CLCN1: variants seen among roughly 807,000 people sequenced by gnomAD.
The protein encoded by CLCN1 is chloride voltage-gated channel 1, also known as chloride channel protein 1.
Under a neutral mutation model 114.5 loss-of-function variants are expected in CLCN1, and 100 were observed. The ratio of observed to expected loss-of-function variants is 0.87; its 90% CI spans 0.74 to 1.03. CLCN1 has a LOEUF of 1.03. Ranked by LOEUF, CLCN1 falls within the 50% of genes least tolerant of loss-of-function variation. The probability of loss-of-function intolerance (pLI) is 0.00; values close to 1 mark genes in which losing one functional copy is unlikely to be tolerated. For missense variants in CLCN1, 1,188 were observed against 1,250.0 expected, an observed-to-expected ratio of 0.95 and a Z score of 0.75; for synonymous variants, 485 against 487.1, an observed-to-expected ratio of 1.00 and a Z score of 0.06.
rs1802536900 is a variant in CLCN1, at chr7:143,324,824, T to A, written c.853+332T>A. 6.6e-6 allele frequency among the ~76,000 whole-genome samples: 1 copy of A among 152,192 alleles called. No individual in the cohort carries two copies. The highest frequency in any genetic ancestry group is 2.1e-4 in the South Asian group (1 of 4,830). On this transcript the variant is annotated intron_variant, in intron 7 of 22. Transcript: ENST00000343257. This position sits in a 1 kb window ranked among gnomAD's most constrained non-coding sequence, Gnocchi z 4.6. Reference sequence around the variant, plus strand: ...TGGCTCCCCTACTTATTTTCAAACCTGTTTGTATTGTTGGATGTTTTTGCC... The same window carrying A: ...TGGCTCCCCTACTTATTTTCAAACCAGTTTGTATTGTTGGATGTTTTTGCC...
intron 1 of CLCN1, among the ~76,000 whole-genome samples, chr7:143,317,571 T>C (rs1438211347): frequency 3.3e-5 from 5 of 151,668 alleles, no homozygotes; most frequent in South Asian, 2.1e-4. Context: ...AAAGGCTTTT[T>C]TTTCTTTCTT....
intron 17 of CLCN1, 41 bp from the exon 18 acceptor site, chr7:143,346,099 G>C (rs776463888): frequency 6.0e-6 from 8 of 1,322,754 alleles, no homozygotes; most frequent in Non-Finnish European, 3.3e-6. Context: ...GGCCCAGGCA[G>C]TCTCTGCTCC....
At chr7:143,345,840 T>C in intron 17 of CLCN1, 78 bp downstream of exon 17, 2 of 1,294,310 alleles carry the variant, frequency 1.5e-6, no homozygotes, top group African/African-American at 1.5e-5. Flanking sequence ...TGGGCTGGGC[T>C]GGGCTGGGAC....
chr7:143,344,446 G>A (rs577491165), intron 16 of CLCN1, among the ~76,000 whole-genome samples: 3 of 152,210 alleles, frequency 2.0e-5, no homozygotes, highest in African/African-American at 7.2e-5. Context: ...TGTTAGTTCT[G>A]ATTTCCAATA....
At chr7:143,317,197 A>C (rs1802309764) in intron 1 of CLCN1, among the ~76,000 whole-genome samples, 1 of 151,856 alleles carries the variant, frequency 6.6e-6, no homozygotes, top group African/African-American at 2.4e-5. Flanking sequence ...CAAAGAATGC[A>C]GAGAATAACA....
intron 3 of CLCN1, 122 bp downstream of exon 3, chr7:143,320,917 A>G: frequency 1.6e-6 from 2 of 1,215,462 alleles, no homozygotes; most frequent in South Asian, 2.4e-5. Context: ...TATTGCGCAG[A>G]GAGGGATCAG....
In CLCN1 at chr7:143,339,969, C is replaced by T. The variant is rs1470264258; in HGVS notation, c.1582+348C>T. 6.6e-6 allele frequency among the ~76,000 whole-genome samples: 1 copy of T among 152,172 alleles called. No homozygotes were observed. Among genetic ancestry groups the T allele is most frequent in the African/African-American group, 2.4e-5 (1 of 41,448 alleles). On this transcript the variant is annotated intron_variant, in intron 14 of 22. Transcript: ENST00000343257. The surrounding 1 kb of genome is among the most constrained non-coding windows in gnomAD (Gnocchi z 4.1). ...TGGCTCAGGTTGCAGGTGATTGACT[C>T]AACCTGAGACGTGTTGATATTGATG... is the stretch of plus-strand genomic sequence containing the variant.
chr7:143,345,524 C>T lies in CLCN1; in HGVS notation c.1934C>T (p.Ser645Leu). 2 of 1,534,380 alleles carry T rather than the reference C, an allele frequency of 1.3e-6. No homozygotes were observed. Among genetic ancestry groups the T allele is most frequent in the Middle Eastern group, 2.1e-4 (1 of 4,786 alleles). ...GCAGGGCGTGGGTTTCCCTCAGATTCAATGATCCTGCTGGGCTCGGTGGAG... is the reference window on the plus strand; with the variant it reads ...GCAGGGCGTGGGTTTCCCTCAGATTTAATGATCCTGCTGGGCTCGGTGGAG... ...KTLPLVDSKDSMILLGSVERS... is the reference protein window; with the variant it reads ...KTLPLVDSKDLMILLGSVERS... Residue 645 changes from serine (S) to leucine (L), a missense_variant, in exon 17 of 23, where the codon TCA (serine) becomes TTA (leucine). Ser to Leu is a moderately radical substitution (Grantham distance 145). Transcript: ENST00000343257.
At position 143,330,890 on chromosome 7, in the gene CLCN1, G is replaced by T; in HGVS notation, c.972G>T (p.Lys324Asn). The T allele has an allele frequency of 6.2e-7, 1 of 1,614,210 alleles. No individual in the cohort carries two copies. The highest frequency in any genetic ancestry group is 1.3e-5 in the African/African-American group (1 of 75,046). ...FVFRVLAVWNKDAVTITALFR... is the reference protein window; with the variant it reads ...FVFRVLAVWNNDAVTITALFR... ...TTCGAGTGCTGGCAGTGTGGAACAA[G>T]GATGCTGGTAACCAAGGAGGCCTTG... Residue 324 changes from lysine to asparagine, a missense_variant, in exon 8 of 23, where the codon AAG becomes AAT. Physicochemically the swap from Lys to Asn is moderately conservative, Grantham distance 94. Coordinates refer to ENST00000343257, the MANE Select transcript of CLCN1 (RefSeq NM_000083.3).
At chr7:143,328,932 T>C (rs550574549) in intron 7 of CLCN1, among the ~76,000 whole-genome samples, 3 of 152,020 alleles carry the variant, frequency 2.0e-5, no homozygotes, top group East Asian at 3.9e-4. Flanking sequence ...CACCAGGCAC[T>C]GTACTAGGTG....
chr7:143,344,542 C>G (rs1481425764), intron 16 of CLCN1, among the ~76,000 whole-genome samples: 1 of 152,114 alleles, frequency 6.6e-6, no homozygotes, highest in Non-Finnish European at 1.5e-5. Context: ...AGCAGAGGCT[C>G]TTTATTAGAG....
chr7:143,342,246 T>C, intron 15 of CLCN1, 104 bp downstream of exon 15: 1 of 1,479,502 alleles, frequency 6.8e-7, no homozygotes, highest in South Asian at 1.2e-5. Context: ...CTGTTTTAAA[T>C]TATTATTATA....
At chr7:143,320,056 A>C (rs191355218) in intron 2 of CLCN1, among the ~76,000 whole-genome samples, 181 bp downstream of exon 2, 3 of 152,206 alleles carry the variant, frequency 2.0e-5, no homozygotes, top group Non-Finnish European at 2.9e-5. Flanking sequence ...TGGAGTGATC[A>C]TAGCTCACTG....
intron 1 of CLCN1, among the ~76,000 whole-genome samples, chr7:143,317,890 C>T (rs920467726): frequency 2.0e-4 from 31 of 152,062 alleles, no homozygotes; most frequent in Non-Finnish European, 3.5e-4. Context: ...TGTTCTCACT[C>T]GTGTACATGG....
chr7:143,331,671 T>C lies in CLCN1; in HGVS notation c.1166+19T>C, dbSNP rs200725233. 3.9e-6 allele frequency: 6 copies of C among 1,545,142 alleles called. No homozygotes were observed. The highest frequency in any genetic ancestry group is 5.4e-6 in the Non-Finnish European group (6 of 1,117,144). On this transcript the variant is annotated intron_variant, in intron 10 of 22. Coordinates refer to ENST00000343257, the MANE Select transcript of CLCN1 (RefSeq NM_000083.3). ...CTAAGCAGTGAGTCACTGCCCTTCTTTTGCCCTACCCATTTACTTTCTGGT... is the reference window on the plus strand; with the variant it reads ...CTAAGCAGTGAGTCACTGCCCTTCTCTTGCCCTACCCATTTACTTTCTGGT...
chr7:143,321,466 T>C lies in CLCN1; in HGVS notation c.535T>C (p.Cys179Arg). The change falls in exon 4 of 23, where the codon TGC (cysteine) becomes CGC (arginine). Residue 179 changes from cysteine to arginine, a missense_variant. Transcript: ENST00000343257. The surrounding 1 kb of genome is among the most constrained non-coding windows in gnomAD (Gnocchi z 4.2). ...LVLILFSALF[C>R]HLISPQAVGS... Reference sequence around the variant, plus strand: ...CCTCATCCTCTTCAGCGCCCTCTTCTGCCACCTCATCTCTCCCCAGGCTGT... The same window carrying C: ...CCTCATCCTCTTCAGCGCCCTCTTCCGCCACCTCATCTCTCCCCAGGCTGT... 6.2e-7 allele frequency: 1 copy of C among 1,614,156 alleles called. No individual in the cohort carries two copies. The highest frequency in any genetic ancestry group is 8.5e-7 in the Non-Finnish European group (1 of 1,180,018).
Position 143,321,581 on chromosome 7 carries a change from C to T in CLCN1, c.562+88C>T. ...CCCCATCATCCAGCCCCACCCACAG[C>T]CCTGTGCTGCCTTGCCCCATCCTCC... On this transcript the variant is annotated intron_variant, in intron 4 of 22. Coordinates refer to ENST00000343257, the MANE Select transcript of CLCN1 (RefSeq NM_000083.3). This position sits in a 1 kb window ranked among gnomAD's most constrained non-coding sequence, Gnocchi z 4.2. 1 of 1,607,460 alleles carries T rather than the reference C, an allele frequency of 6.2e-7. No homozygotes were observed. The highest frequency in any genetic ancestry group is 8.5e-7 in the Non-Finnish European group (1 of 1,175,062).
At chr7:143,345,454 A>T in intron 16 of CLCN1, 67 bp from the exon 17 acceptor site, 1 of 1,468,688 alleles carries the variant, frequency 6.8e-7, no homozygotes, top group Non-Finnish European at 9.1e-7. Context: ...CCTTCTCAGG[A>T]GTGCGGAGCG....
intron 20 of CLCN1, among the ~76,000 whole-genome samples, chr7:143,347,966 T>C (rs531199913): frequency 6.6e-6 from 1 of 152,250 alleles, no homozygotes; most frequent in African/African-American, 2.4e-5. Flanking sequence ...GAAAAATCCA[T>C]TGGCAACTAT....
Sources: allele counts gnomAD v4.1 joint callset (sites outside exome capture counted in the v4.1 genomes callset), GRCh38; gene constraint gnomAD v4.1.1; non-coding constraint Gnocchi (gnomAD v3.1); transcripts MANE v1.5; gene names NCBI Gene and HGNC (gene_info 2026-07-23, HGNC 2026-07-21).